Variants in P3H3 observed in about 807,000 individuals in gnomAD.
P3H3 encodes the protein gene rich cluster, B.
P3H3 carries 64 observed loss-of-function variants against 78.1 expected under a neutral mutation model. That is an observed-to-expected ratio of 0.82 (90% CI 0.67 to 1.01). The LOEUF is 1.01. P3H3 is among the 50% of genes least tolerant of loss of function. The pLI is 0.00. For synonymous variants in P3H3, 425 were observed against 416.7 expected, an observed-to-expected ratio of 1.02 and a Z score of -0.24; for missense variants, 975 against 982.2, an observed-to-expected ratio of 0.99 and a Z score of 0.10.
chr12:6,839,018 T>C lies in P3H3; in HGVS notation c.1924T>C (p.Cys642Arg), dbSNP rs1027134143. 1.2e-6 allele frequency: 2 copies of C among 1,606,284 alleles called. No individual in the cohort carries two copies. Among genetic ancestry groups the C allele is most frequent in the Non-Finnish European group, 8.5e-7 (1 of 1,176,496 alleles). The change falls in exon 14 of 15, where the codon TGT becomes CGT. Residue 642 changes from cysteine (C) to arginine (R), a missense_variant. Coordinates refer to ENST00000290510, the MANE Select transcript of P3H3 (RefSeq NM_014262.5). ...LTVTARVRPR[C>R]GRLVAFSSGV... is the part of the protein sequence containing the mutation. ...CCTCCAGGCTCGGGTGCGTCCTCGC[T>C]GTGGGCGCCTTGTGGCCTTCAGCTC...
chr12:6,828,799 G>A lies in P3H3; in HGVS notation c.359G>A (p.Arg120His). Reference sequence around the variant, plus strand: ...CGACAGCTTCTCCGTGCAGCGCTCCGCCGCGCAGACTGCCTGACCCAGTGC... The same window carrying A: ...CGACAGCTTCTCCGTGCAGCGCTCCACCGCGCAGACTGCCTGACCCAGTGC... The part of the protein sequence containing the change: ...WERQLLRAAL[R>H]RADCLTQCAA... The change falls in exon 1 of 15, where the codon CGC (arginine) becomes CAC (histidine). Residue 120 changes from arginine (R) to histidine (H), a missense_variant. Physicochemically the swap from Arg to His is conservative, Grantham distance 29. Transcript: ENST00000290510. 4.0e-6 allele frequency: 5 copies of A among 1,235,584 alleles called. No homozygotes were observed. The highest frequency in any genetic ancestry group is 5.1e-6 in the Non-Finnish European group (5 of 989,518). 76.5% of individuals were successfully genotyped at this position (1,235,584 alleles called of 1,614,324 possible).
chr12:6,832,803 T>C (rs1243930573), intron 6 of P3H3, among the ~76,000 whole-genome samples: 1 of 150,572 alleles, frequency 6.6e-6, no homozygotes, highest in Non-Finnish European at 1.5e-5. Flanking sequence ...GGTTTCACCA[T>C]GTTGGCCAGG....
Position 6,833,920 on chromosome 12 carries a change from G to A in P3H3, c.1334-5G>A. 6.2e-7 allele frequency: 1 copy of A among 1,613,946 alleles called. No individual in the cohort carries two copies. The highest frequency in any genetic ancestry group is 8.5e-7 in the Non-Finnish European group (1 of 1,179,888). On this transcript the variant is annotated splice_polypyrimidine_tract_variant and splice_region_variant and intron_variant, in intron 8 of 14. Transcript: ENST00000290510. ...GCCCCCTCTGCTCTGTCTTTTCCCT[G>A]GCAGATGTCCTTCTCCTGGAGGGTG...
In P3H3 at chr12:6,838,208, C is replaced by T. The variant is rs143754253; in HGVS notation, c.1905+175C>T. Among the ~76,000 whole-genome samples the T allele has an allele frequency of 6.3e-4, 96 of 152,326 alleles. 2 individuals are homozygous for T. Among genetic ancestry groups the T allele is most frequent in the African/African-American group, 1.9e-3 (79 of 41,576 alleles). On this transcript the variant is annotated intron_variant, in intron 13 of 14. Transcript: ENST00000290510. The stretch of plus-strand genomic sequence containing the variant: ...CTCCGTAGCAAGGTCTCTAAGTGGC[C>T]GAATCAACCCTACCATCAGTATTTG...
chr12:6,835,885 C>A (rs1489723362), intron 9 of P3H3, among the ~76,000 whole-genome samples: 1 of 152,088 alleles, frequency 6.6e-6, no homozygotes, highest in Non-Finnish European at 1.5e-5. Flanking sequence ...TAGTGGCAGT[C>A]TGTAGAATGC....
chr12:6,831,267 A>G lies in P3H3; in HGVS notation c.1037A>G (p.Tyr346Cys), dbSNP rs35802584. Residue 346 changes from tyrosine (Y) to cysteine (C), a missense_variant, in exon 5 of 15, where the codon TAC (tyrosine) becomes TGC (cysteine). Transcript: ENST00000290510. This position sits in a 1 kb window ranked among gnomAD's most constrained non-coding sequence, Gnocchi z 4.6. ...AATGTCCTGAGTGTCCTGCTCTTCT[A>G]CCCGGAGGATGAGGCTGCCAAGAGG... Reference protein sequence around the residue: ...IENVLSVLLFYPEDEAAKRAL... With the variant: ...IENVLSVLLFCPEDEAAKRAL... The G allele has an allele frequency of 1.3e-3, 2,119 of 1,613,732 alleles. 27 individuals carry two copies. The African/African-American group carries it at 0.026, about 19-fold the overall frequency.
chr12:6,829,650 C>T lies in P3H3; in HGVS notation c.499-209C>T. ...ACTCCGACGTCTTTAGATCCCCTTT[C>T]CCTCGGTGCCAGCCTTCTGAGAGTC... On this transcript the variant is annotated intron_variant, in intron 1 of 14. Transcript: ENST00000290510. The surrounding 1 kb of genome is among the most constrained non-coding windows in gnomAD (Gnocchi z 5.1). 1 of 588,662 alleles carries T rather than the reference C, an allele frequency of 1.7e-6. No individual in the cohort carries two copies. Among genetic ancestry groups the T allele is most frequent in the Non-Finnish European group, 3.0e-6 (1 of 333,554 alleles). The allele number at this position is 588,662 out of a possible 1,614,324, so 36.5% of individuals were successfully genotyped here. A position where few individuals can be genotyped will look rare whatever the true frequency, so the allele number is the denominator to read the frequency against.
At position 6,829,095 on chromosome 12, in the gene P3H3, C is replaced by G. The variant is rs1943419556; in HGVS notation, c.498+157C>G. 1 of 428,666 alleles carries G rather than the reference C, an allele frequency of 2.3e-6. No individual in the cohort carries two copies. The allele number at this position is 428,666 out of a possible 1,614,324, so 26.6% of individuals were successfully genotyped here. ...TCTGCGTAGGAGCTGGCTAAGCGAC[C>G]GCGAGGACCTCTTGAGATCGCAGAG... On this transcript the variant is annotated intron_variant, in intron 1 of 14. Transcript: ENST00000290510. This position sits in a 1 kb window ranked among gnomAD's most constrained non-coding sequence, Gnocchi z 5.1.
chr12:6,830,301 C>T lies in P3H3; in HGVS notation c.652-52C>T, dbSNP rs1000633921. 20 of 1,530,950 alleles carry T rather than the reference C, an allele frequency of 1.3e-5. No homozygotes were observed. In the African/African-American group the frequency reaches 2.8e-4, roughly 21 times the overall value. 94.8% of individuals were successfully genotyped at this position (1,530,950 alleles called of 1,614,324 possible). A position where few individuals can be genotyped will look rare whatever the true frequency, so the allele number is the denominator to read the frequency against. ...CAACACCCCTCTCCTCTCTACCTCC[C>T]AGTTTGGCAACCCCTGGATCTTAGG... On this transcript the variant is annotated intron_variant, in intron 2 of 14. Transcript: ENST00000290510.
chr12:6,838,072 C>T (rs782514058), intron 13 of P3H3, 39 bp downstream of exon 13: 9 of 1,569,486 alleles, frequency 5.7e-6, no homozygotes, highest in Non-Finnish European at 5.2e-6. Context: ...GACAAAGGGC[C>T]CAGCTGTGGG....
At chr12:6,837,231 G>A in intron 10 of P3H3, 145 bp downstream of exon 10, 1 of 993,640 alleles carries the variant, frequency 1.0e-6, no homozygotes, top group Non-Finnish European at 1.5e-6. Context: ...TGGAGAAAAG[G>A]GATGTTCTGA....
Position 6,831,444 on chromosome 12 carries a change from C to CT in P3H3, c.1122+94dup, listed in dbSNP as rs1193785284. 8 of 1,531,836 alleles carry CT rather than the reference C, an allele frequency of 5.2e-6. No homozygotes were observed. In the East Asian group the frequency reaches 1.9e-4, roughly 36 times the overall value. The allele number at this position is 1,531,836 out of a possible 1,614,324, so 94.9% of individuals were successfully genotyped here. A position where few individuals can be genotyped will look rare whatever the true frequency, so the allele number is the denominator to read the frequency against. On this transcript the variant is annotated intron_variant, in intron 5 of 14. Transcript: ENST00000290510. This position sits in a 1 kb window ranked among gnomAD's most constrained non-coding sequence, Gnocchi z 4.6. ...CTGGACCCCCACCCCCCGCTGGCCT[C>CT]TTACCCGAGCACTCTAGTCACCCAA...
chr12:6,834,172 C>T, intron 9 of P3H3, 123 bp downstream of exon 9: 1 of 1,424,570 alleles, frequency 7.0e-7, no homozygotes, highest in Non-Finnish European at 9.5e-7. Flanking sequence ...ACTGTGCTTA[C>T]CACTGCCTCT....
chr12:6,831,143 T>A lies in P3H3; in HGVS notation c.986-73T>A. ...CTCTGGAGACCACCTTCTCCAGCAC[T>A]GCCTCTGCCCCAAGGATCAATGTGC... On this transcript the variant is annotated intron_variant, in intron 4 of 14. Transcript: ENST00000290510. The surrounding 1 kb of genome is among the most constrained non-coding windows in gnomAD (Gnocchi z 4.6). 6.3e-7 allele frequency: 1 copy of A among 1,593,928 alleles called. No individual in the cohort carries two copies. Among genetic ancestry groups the A allele is most frequent in the South Asian group, 1.1e-5 (1 of 90,234 alleles).
chr12:6,830,848 C>G, intron 4 of P3H3, 78 bp downstream of exon 4: 1 of 1,574,262 alleles, frequency 6.4e-7, no homozygotes, highest in Non-Finnish European at 8.7e-7. Context: ...TCTATCCCTC[C>G]CATCTGTCTC....
chr12:6,829,733 C>T lies in P3H3; in HGVS notation c.499-126C>T, dbSNP rs1555120994. 1.0e-6 allele frequency: 1 copy of T among 987,088 alleles called. No individual in the cohort carries two copies. The highest frequency in any genetic ancestry group is 1.6e-6 in the Non-Finnish European group (1 of 644,878). The allele number at this position is 987,088 out of a possible 1,614,324, so 61.1% of individuals were successfully genotyped here. A position where few individuals can be genotyped will look rare whatever the true frequency, so the allele number is the denominator to read the frequency against. On this transcript the variant is annotated intron_variant, in intron 1 of 14. Coordinates refer to ENST00000290510, the MANE Select transcript of P3H3 (RefSeq NM_014262.5). The surrounding 1 kb of genome is among the most constrained non-coding windows in gnomAD (Gnocchi z 5.1). ...CGGGCGGTGGGCGGTTCTGATTGGC[C>T]AGTCTTCCATGAGGCTCTGGGGCAC...
chr12:6,830,465 C>G lies in P3H3; in HGVS notation c.764C>G (p.Ala255Gly). The G allele has an allele frequency of 6.3e-7, 1 of 1,588,408 alleles. No homozygotes were observed. The highest frequency in any genetic ancestry group is 8.6e-7 in the Non-Finnish European group (1 of 1,168,424). ...GSLAQMESCRADCEGPEEQQG... is the reference protein window; with the variant it reads ...GSLAQMESCRGDCEGPEEQQG... ...CTGGCCCAGATGGAGAGCTGCCGTG[C>G]TGACTGTGAGGGGCCTGAGGAGCAG... Residue 255 changes from alanine (A) to glycine (G), a missense_variant, in exon 3 of 15, where the codon GCT becomes GGT. Coordinates refer to ENST00000290510, the MANE Select transcript of P3H3 (RefSeq NM_014262.5).
Position 6,829,878 on chromosome 12 carries a change from C to T in P3H3, c.518C>T (p.Ala173Val). 1.9e-6 allele frequency: 3 copies of T among 1,614,026 alleles called. No homozygotes were observed. The highest frequency in any genetic ancestry group is 2.2e-5 in the South Asian group (2 of 91,092). The change falls in exon 2 of 15, where the codon GCA becomes GTA. Residue 173 changes from alanine (A) to valine (V), a missense_variant. Coordinates refer to ENST00000290510, the MANE Select transcript of P3H3 (RefSeq NM_014262.5). The surrounding 1 kb of genome is among the most constrained non-coding windows in gnomAD (Gnocchi z 5.1). ...CCTCAGTTGAAGAAGCTGGATCTGG[C>T]AGCTGCGGCAGCACACACCTTCTTT... ...AYYQLKKLDL[A>V]AAAAHTFFVA...
chr12:6,831,427 C>T lies in P3H3; in HGVS notation c.1122+75C>T, dbSNP rs1275552999. On this transcript the variant is annotated intron_variant, in intron 5 of 14. Coordinates refer to ENST00000290510, the MANE Select transcript of P3H3 (RefSeq NM_014262.5). This position sits in a 1 kb window ranked among gnomAD's most constrained non-coding sequence, Gnocchi z 4.6. ...TAGACCTGAGAAGTAACCTGGACCC[C>T]CACCCCCCGCTGGCCTCTTACCCGA... 88 of 1,579,074 alleles carry T rather than the reference C, an allele frequency of 5.6e-5. No homozygotes were observed. Among genetic ancestry groups the T allele is most frequent in the Middle Eastern group, 4.5e-4 (2 of 4,426 alleles).
Sources: gnomAD v4.1 joint callset for allele counts (sites outside exome capture counted in the v4.1 genomes callset) on GRCh38, gnomAD v4.1.1 for gene constraint, Gnocchi (gnomAD v3.1) non-coding constraint, MANE v1.5 for transcripts, NCBI Gene and HGNC (gene_info 2026-07-23, HGNC 2026-07-21) for gene names.